The following ACRBP variants were observed in gnomAD, a reference collection of about 807,000 sequenced individuals.
The protein encoded by ACRBP is acrosin-binding protein.
In ACRBP, 52 loss-of-function variants were observed where a neutral mutation model predicts 69.0. The observed-to-expected ratio is 0.75, with a 90% CI of 0.60 to 0.95. The LOEUF is 0.95. Among genes scored for constraint, ACRBP ranks in the 40% least tolerant of loss-of-function variants. The pLI is 0.00. For missense variants in ACRBP, 604 were observed against 673.0 expected (o/e 0.90, Z 1.13); for synonymous variants, 267 against 258.9 (o/e 1.03, Z -0.30).
chr12:6,638,859 C>G, intron 9 of ACRBP, 95 bp downstream of exon 9: 1 of 1,585,894 alleles, frequency 6.3e-7, no homozygotes, highest in Non-Finnish European at 8.6e-7. Flanking sequence ...CTTTCCACAT[C>G]CTAGCTGCTC....
At chr12:6,646,657 G>C in intron 2 of ACRBP, 80 bp from the exon 3 acceptor site, 2 of 1,498,854 alleles carry the variant, frequency 1.3e-6, no homozygotes, top group East Asian at 4.5e-5. Flanking sequence ...CCACGCCATG[G>C]GGAGGGTGGA....
chr12:6,644,163 G>A lies in ACRBP; in HGVS notation c.918C>T (p.Ser306=). 6.3e-7 allele frequency: 1 copy of A among 1,599,992 alleles called. No homozygotes were observed. The highest frequency in any genetic ancestry group is 1.1e-5 in the South Asian group (1 of 89,804). ...DEMNEIYDEN[S]YWRNQNPGSL... ...TGCCAGGGTTTTGGTTTCTCCAGTA[G>A]GAGTTCTCATCATATATTTCATTCA... The change falls in exon 5 of 10, where the codon TCC becomes TCT. Residue 306 remains serine, a synonymous_variant. Coordinates refer to ENST00000229243, the MANE Select transcript of ACRBP (RefSeq NM_032489.3).
At chr12:6,643,980 CA>C (rs1565392425) in intron 5 of ACRBP, 156 bp downstream of exon 5, 51 of 1,398,102 alleles carry the variant, frequency 3.6e-5, no homozygotes, top group Non-Finnish European at 4.6e-5. Context: ...CTTAAGCCAA[CA>C]ATGGGCACAG....
intron 8 of ACRBP, among the ~76,000 whole-genome samples, chr12:6,639,431 G>A (rs187093651): frequency 5.3e-5 from 8 of 152,306 alleles, no homozygotes; most frequent in Admixed American, 2.6e-4. Context: ...TTTGGACCTC[G>A]CCTCCCCATT....
At chr12:6,642,226 A>G (rs575907167) in intron 6 of ACRBP, among the ~76,000 whole-genome samples, 197 of 152,238 alleles carry the variant, frequency 1.3e-3, no homozygotes, top group African/African-American at 4.5e-3. Context: ...TAACATCTTA[A>G]ATATCTAGTA....
Position 6,638,281 on chromosome 12 carries a change from C to T in ACRBP, c.*1G>A, listed in dbSNP as rs1381944000. The T allele has an allele frequency of 3.1e-6, 5 of 1,613,886 alleles. No individual in the cohort carries two copies. The highest frequency in any genetic ancestry group is 1.3e-5 in the African/African-American group (1 of 74,908). The stretch of plus-strand genomic sequence containing the variant: ...GGGGTGTGGGCAGAATAGACGCCAG[C>T]TCATCCGAACTGGCCTAGAGTCAAG... On this transcript the variant is annotated 3_prime_UTR_variant, in exon 10 of 10. Coordinates refer to ENST00000229243, the MANE Select transcript of ACRBP (RefSeq NM_032489.3).
chr12:6,645,414 T>C, intron 3 of ACRBP, 77 bp from the exon 4 acceptor site: 1 of 1,103,428 alleles, frequency 9.1e-7, no homozygotes. Context: ...TCAACCCCTT[T>C]TCCAGCATGT....
In ACRBP at chr12:6,644,090, G is replaced by C. The variant is rs371233386; in HGVS notation, c.944+47C>G. 6.5e-6 allele frequency: 10 copies of C among 1,527,474 alleles called. No homozygotes were observed. The Admixed American group carries it at 1.9e-4, about 29-fold the overall frequency. The allele number at this position is 1,527,474 out of a possible 1,614,324, so 94.6% of individuals were successfully genotyped here. On this transcript the variant is annotated intron_variant, in intron 5 of 9. Transcript: ENST00000229243. ...AAATGGGCTTCTCACTCCCAAGAAA[G>C]GCAGAAGGGAGGGCAGGGTGGATGA...
intron 8 of ACRBP, among the ~76,000 whole-genome samples, chr12:6,639,566 C>T (rs1168725898): frequency 1.3e-5 from 2 of 152,168 alleles, no homozygotes; most frequent in African/African-American, 4.8e-5. Flanking sequence ...GAGGAGAGGC[C>T]TGGATCTAAA....
chr12:6,645,439 T>A (rs1444781904), intron 3 of ACRBP, 102 bp from the exon 4 acceptor site: 1 of 913,184 alleles, frequency 1.1e-6, no homozygotes, highest in Non-Finnish European at 1.8e-6. Context: ...TCTCTCAGTT[T>A]CTAGGCAGGG....
chr12:6,638,627 G>A lies in ACRBP; in HGVS notation c.1510-223C>T. The A allele has an allele frequency of 6.2e-6, 8 of 1,292,968 alleles. No homozygotes were observed. The South Asian group carries it at 1.1e-4, about 18-fold the overall frequency. The allele number at this position is 1,292,968 out of a possible 1,614,324, so 80.1% of individuals were successfully genotyped here. On this transcript the variant is annotated intron_variant, in intron 9 of 9. Transcript: ENST00000229243. ...AACAGGCGGCTGAGGCTCAGAGGGGGAAGTGCCTCATCCCAGGCTACTTGG... is the reference window on the plus strand; with the variant it reads ...AACAGGCGGCTGAGGCTCAGAGGGGAAAGTGCCTCATCCCAGGCTACTTGG...
chr12:6,644,498 G>T lies in ACRBP; in HGVS notation c.583C>A (p.His195Asn). 1 of 1,614,028 alleles carries T rather than the reference G, an allele frequency of 6.2e-7. No homozygotes were observed. The highest frequency in any genetic ancestry group is 1.1e-5 in the South Asian group (1 of 91,072). Residue 195 changes from histidine to asparagine, a missense_variant, in exon 5 of 10, where the codon CAC becomes AAC. By Grantham distance (68) the His-to-Asn change is moderately conservative. Coordinates refer to ENST00000229243, the MANE Select transcript of ACRBP (RefSeq NM_032489.3). ...TGCTCCACTCCTTGCTCCTGCTTGTGCTCTGGCGCTTGCTCCTGGCCTCCC... is the reference window on the plus strand; with the variant it reads ...TGCTCCACTCCTTGCTCCTGCTTGTTCTCTGGCGCTTGCTCCTGGCCTCCC... ...SLGGQEQAPEHKQEQGVEHRQ... is the reference protein window; with the variant it reads ...SLGGQEQAPENKQEQGVEHRQ...
intron 6 of ACRBP, among the ~76,000 whole-genome samples, chr12:6,642,127 A>G (rs1468070740): frequency 3.3e-5 from 5 of 152,084 alleles, no homozygotes; most frequent in African/African-American, 1.2e-4. Context: ...TACAGCACTG[A>G]TCCCATCACA....
chr12:6,647,339 G>A lies in ACRBP; in HGVS notation c.28C>T (p.Pro10Ser). The A allele has an allele frequency of 6.5e-7, 1 of 1,548,444 alleles. No homozygotes were observed. The highest frequency in any genetic ancestry group is 8.7e-7 in the Non-Finnish European group (1 of 1,146,882). The change falls in exon 1 of 10, where the codon CCC (proline) becomes TCC (serine). Residue 10 changes from proline (P) to serine (S), a missense_variant. This residue lies in a region of ACRBP where 532 missense variants were observed against 562.9 expected (regional missense o/e 0.95). Transcript: ENST00000229243. MRKPAAGFL[P>S]SLLKVLLLPL... ...AACCTCTCACCCTTCAGGAGTGAGG[G>A]AAGGAAGCCAGCGGCTGGCTTCCTC...
At position 6,640,418 on chromosome 12, in the gene ACRBP, T is replaced by C; in HGVS notation, c.1182A>G (p.Gln394=). Residue 394 remains glutamine (Q), a synonymous_variant, in exon 7 of 10, where the codon CAA becomes CAG. Transcript: ENST00000229243. This position sits in a 1 kb window ranked among gnomAD's most constrained non-coding sequence, Gnocchi z 5.3. ...QCHSEASLQR[Q]QCDTSHKTPF... The stretch of plus-strand genomic sequence containing the variant: ...GAGTCTTGTGGGAGGTGTCGCATTG[T>C]TGCCGCTGCAGGCTGGCCTCTGAGT... 6.2e-7 allele frequency: 1 copy of C among 1,614,224 alleles called. No individual in the cohort carries two copies. Among genetic ancestry groups the C allele is most frequent in the Non-Finnish European group, 8.5e-7 (1 of 1,180,040 alleles).
At position 6,638,261 on chromosome 12, in the gene ACRBP, G is replaced by A. The variant is rs1199279182; in HGVS notation, c.*21C>T. 6.2e-7 allele frequency: 1 copy of A among 1,612,076 alleles called. No homozygotes were observed. Among genetic ancestry groups the A allele is most frequent in the Non-Finnish European group, 8.5e-7 (1 of 1,178,550 alleles). On this transcript the variant is annotated 3_prime_UTR_variant, in exon 10 of 10. Coordinates refer to ENST00000229243, the MANE Select transcript of ACRBP (RefSeq NM_032489.3). ...GAACGTGGGCAGGTTGGGCTGGGGT[G>A]TGGGCAGAATAGACGCCAGCTCATC...
At position 6,645,329 on chromosome 12, in the gene ACRBP, C is replaced by A; in HGVS notation, c.366G>T (p.Leu122=). Residue 122 remains leucine, a synonymous_variant, in exon 4 of 10, where the codon CTG becomes CTT. Coordinates refer to ENST00000229243, the MANE Select transcript of ACRBP (RefSeq NM_032489.3). ...AGAGAATAGAGACTGGCTGGGAACA[C>A]AGGACTCTCTGCAGGAAGAGAAGGA... ...SNHVYYAKRV[L]CSQPVSILSP... The A allele has an allele frequency of 6.2e-7, 1 of 1,612,386 alleles. No individual in the cohort carries two copies. The highest frequency in any genetic ancestry group is 8.5e-7 in the Non-Finnish European group (1 of 1,178,724).
rs775227814 is a variant in ACRBP at position 6,645,342 on chromosome 12, A to G, written c.358-5T>C. The stretch of plus-strand genomic sequence containing the variant: ...TGGCTGGGAACACAGGACTCTCTGC[A>G]GGAAGAGAAGGAAAATGGGAAAGCC... On this transcript the variant is annotated splice_region_variant and splice_polypyrimidine_tract_variant and intron_variant, in intron 3 of 9. Transcript: ENST00000229243. 3.6e-5 allele frequency: 57 copies of G among 1,603,962 alleles called. No individual in the cohort carries two copies. The highest frequency in any genetic ancestry group is 4.7e-5 in the Non-Finnish European group (55 of 1,171,144).
chr12:6,646,419 C>T (rs1949089378), intron 3 of ACRBP, 64 bp downstream of exon 3: 1 of 1,467,926 alleles, frequency 6.8e-7, no homozygotes, highest in Non-Finnish European at 9.5e-7. Context: ...TCCTCAACTC[C>T]CCACTGCTGC....
Sources: allele counts gnomAD v4.1 joint callset (sites outside exome capture counted in the v4.1 genomes callset), GRCh38; gene constraint gnomAD v4.1.1; regional missense constraint gnomAD v4.1.1; non-coding constraint Gnocchi (gnomAD v3.1); transcripts MANE v1.5; gene names NCBI Gene and HGNC (gene_info 2026-07-23, HGNC 2026-07-21).